KCNH8: variants seen among roughly 807,000 people sequenced by gnomAD.
KCNH8 encodes potassium voltage-gated channel subfamily H member 8.
Under a neutral mutation model 103.6 loss-of-function variants are expected in KCNH8, and 70 were observed. The ratio of observed to expected loss-of-function variants is 0.68; its 90% CI spans 0.56 to 0.82. The LOEUF is 0.82. Ranked by LOEUF, KCNH8 falls within the 40% of genes least tolerant of loss-of-function variation. The pLI, the probability that KCNH8 is intolerant of heterozygous loss-of-function variation, is 0.00. For missense variants in KCNH8, 1,217 were observed against 1,329.9 expected, an observed-to-expected ratio of 0.92 and a Z score of 1.32; for synonymous variants, 498 against 489.4, an observed-to-expected ratio of 1.02 and a Z score of -0.23.
At chr3:19,457,164 T>C (rs1267769605) in intron 11 of KCNH8, among the ~76,000 whole-genome samples, 182 bp downstream of exon 11, 1 of 152,056 alleles carries the variant, frequency 6.6e-6, no homozygotes, top group Admixed American at 6.6e-5. Flanking sequence ...GAGTTTGTTA[T>C]TAACATTCTA....
At chr3:19,231,803 C>A (rs1362387025) in intron 1 of KCNH8, among the ~76,000 whole-genome samples, 2 of 152,206 alleles carry the variant, frequency 1.3e-5, no homozygotes, top group Non-Finnish European at 1.5e-5. Context: ...TCTGTGAATG[C>A]TACTCACTCT....
At chr3:19,288,793 G>C (rs185892524) in intron 3 of KCNH8, among the ~76,000 whole-genome samples, 1 of 152,266 alleles carries the variant, frequency 6.6e-6, no homozygotes, top group East Asian at 1.9e-4. Flanking sequence ...CTAGATCCCT[G>C]AGAATTGCCA....
chr3:19,352,456 A>G (rs1453256565), intron 5 of KCNH8, among the ~76,000 whole-genome samples: 2 of 152,206 alleles, frequency 1.3e-5, no homozygotes, highest in Non-Finnish European at 2.9e-5. Flanking sequence ...CATCGCAATT[A>G]TACCAAAATT....
At chr3:19,332,545 A>G (rs1027478707) in intron 3 of KCNH8, among the ~76,000 whole-genome samples, 1 of 152,172 alleles carries the variant, frequency 6.6e-6, no homozygotes, top group East Asian at 1.9e-4. Flanking sequence ...CAACAATGCA[A>G]TTGCTCACTT....
intron 3 of KCNH8, among the ~76,000 whole-genome samples, chr3:19,322,485 A>G (rs966310346): frequency 2.6e-5 from 4 of 152,088 alleles, no homozygotes; most frequent in Non-Finnish European, 4.4e-5. Flanking sequence ...TTCTTAGCTG[A>G]TAATTGTTTT....
At chr3:19,444,028 T>C (rs548612588) in intron 8 of KCNH8, among the ~76,000 whole-genome samples, 91 of 152,044 alleles carry the variant, frequency 6.0e-4, no homozygotes, top group Middle Eastern at 3.4e-3. Flanking sequence ...GTGGGTGTGT[T>C]TGAAAATTGA....
intron 7 of KCNH8, among the ~76,000 whole-genome samples, chr3:19,412,712 G>A (rs1225949219): frequency 6.6e-6 from 1 of 151,762 alleles, no homozygotes; most frequent in South Asian, 2.1e-4. Context: ...TAAAAAAAAT[G>A]AGCAAAAGAC....
At chr3:19,340,179 A>G (rs1431964606) in intron 3 of KCNH8, among the ~76,000 whole-genome samples, 1 of 152,122 alleles carries the variant, frequency 6.6e-6, no homozygotes, top group Non-Finnish European at 1.5e-5. Context: ...AGCAACAGTC[A>G]TATGGCTTCC....
intron 3 of KCNH8, among the ~76,000 whole-genome samples, chr3:19,307,706 A>G (rs1046658456): frequency 7.2e-5 from 11 of 152,030 alleles, no homozygotes; most frequent in Non-Finnish European, 1.5e-5. Context: ...ATAATGGAAT[A>G]CTATTCAGCC....
At chr3:19,202,826 T>A (rs2063677242) in intron 1 of KCNH8, among the ~76,000 whole-genome samples, 1 of 152,140 alleles carries the variant, frequency 6.6e-6, no homozygotes, top group African/African-American at 2.4e-5. Flanking sequence ...ACTAAATTTA[T>A]AGTTATTAAA....
At chr3:19,280,613 T>C (rs1452031864) in intron 2 of KCNH8, among the ~76,000 whole-genome samples, 1 of 152,120 alleles carries the variant, frequency 6.6e-6, no homozygotes, top group Non-Finnish European at 1.5e-5. Context: ...CACGCTGATG[T>C]ATAATGTTGT....
intron 11 of KCNH8, among the ~76,000 whole-genome samples, chr3:19,459,484 A>G (rs2067587532): frequency 6.6e-6 from 1 of 151,928 alleles, no homozygotes; most frequent in Non-Finnish European, 1.5e-5. Flanking sequence ...AGTTGAGTTT[A>G]TGTATTTTGC....
At chr3:19,390,348 TC>T in intron 5 of KCNH8, 132 bp from the exon 6 acceptor site, 1 of 669,246 alleles carries the variant, frequency 1.5e-6, no homozygotes, top group Non-Finnish European at 2.5e-6. Flanking sequence ...TCTACGATTT[TC>T]TTCCTCCCTT....
chr3:19,172,720 T>G (rs2063359875), intron 1 of KCNH8, among the ~76,000 whole-genome samples: 1 of 152,190 alleles, frequency 6.6e-6, no homozygotes, highest in Non-Finnish European at 1.5e-5. Context: ...ATGCAAGCAA[T>G]TTGTCACAGC....
intron 7 of KCNH8, among the ~76,000 whole-genome samples, chr3:19,397,810 C>G (rs1458406940): frequency 6.6e-6 from 1 of 151,738 alleles, no homozygotes; most frequent in African/African-American, 2.4e-5. Flanking sequence ...TCTACAAAGA[C>G]TTTCCCTTCT....
intron 7 of KCNH8, among the ~76,000 whole-genome samples, chr3:19,402,568 G>A (rs1045686228): frequency 1.3e-5 from 2 of 151,810 alleles, no homozygotes; most frequent in Non-Finnish European, 2.9e-5. Context: ...ATACATACAT[G>A]TGTATATGTA....
At chr3:19,355,029 T>A (rs2065860842) in intron 5 of KCNH8, among the ~76,000 whole-genome samples, 2 of 151,940 alleles carry the variant, frequency 1.3e-5, no homozygotes, top group Admixed American at 6.6e-5. Context: ...TCAAACAAAT[T>A]TACAAGAAAA....
chr3:19,501,779 A>T (rs2068588715), intron 11 of KCNH8, among the ~76,000 whole-genome samples: 1 of 152,170 alleles, frequency 6.6e-6, no homozygotes, highest in Admixed American at 6.5e-5. Context: ...CGTATCTCAA[A>T]ATAATAAGAG....
At chr3:19,231,670 G>C (rs1194072178) in intron 1 of KCNH8, among the ~76,000 whole-genome samples, 1 of 152,036 alleles carries the variant, frequency 6.6e-6, no homozygotes, top group East Asian at 1.9e-4. Flanking sequence ...TCTGTTGCAT[G>C]GCTTCCTTTC....
Sources: allele counts gnomAD v4.1 joint callset (sites outside exome capture counted in the v4.1 genomes callset), GRCh38; gene constraint gnomAD v4.1.1; transcripts MANE v1.5; gene names NCBI Gene and HGNC (gene_info 2026-07-23, HGNC 2026-07-21).